Variants in ERC2 observed in about 807,000 individuals in gnomAD.
ERC2 encodes the protein ERC protein 2.
In ERC2, 42 loss-of-function variants were observed where a neutral mutation model predicts 114.8. The observed-to-expected ratio is 0.37, with a 90% CI of 0.29 to 0.47. ERC2 has a LOEUF of 0.47. Among genes scored for constraint, ERC2 ranks in the 20% least tolerant of loss-of-function variants. The probability of loss-of-function intolerance (pLI) is 0.99; values close to 1 mark genes in which losing one functional copy is unlikely to be tolerated. For missense variants in ERC2, 939 were observed against 1,150.7 expected, an observed-to-expected ratio of 0.82 and a Z score of 2.66; for synonymous variants, 454 against 425.5, an observed-to-expected ratio of 1.07 and a Z score of -0.82.
intron 3 of ERC2, among the ~76,000 whole-genome samples, chr3:56,185,944 G>A (rs1164769160): frequency 6.6e-6 from 1 of 151,952 alleles, no homozygotes; most frequent in Non-Finnish European, 1.5e-5. Flanking sequence ...TGCTGATTCT[G>A]AGATGTAGGG....
chr3:55,543,665 G>A (rs1019321856), intron 17 of ERC2, among the ~76,000 whole-genome samples: 3 of 152,344 alleles, frequency 2.0e-5, no homozygotes, highest in Middle Eastern at 3.4e-3. Flanking sequence ...TCAAGAGAAC[G>A]GGAGCTTGGC....
At chr3:56,295,685 AAAC>A (rs1267876949) in intron 3 of ERC2, among the ~76,000 whole-genome samples, 4 of 152,220 alleles carry the variant, frequency 2.6e-5, no homozygotes, top group Non-Finnish European at 5.9e-5. Context: ...GATATTTGAT[AAAC>A]AACTAAACTG....
At chr3:55,677,357 T>G (rs2061860576) in intron 17 of ERC2, among the ~76,000 whole-genome samples, 1 of 152,144 alleles carries the variant, frequency 6.6e-6, no homozygotes, top group African/African-American at 2.4e-5. Context: ...GTGGCTTGGG[T>G]GTAGCTATGG....
intron 2 of ERC2, among the ~76,000 whole-genome samples, chr3:56,325,324 C>T (rs1419489841): frequency 1.3e-5 from 2 of 151,848 alleles, no homozygotes; most frequent in African/African-American, 2.4e-5. Flanking sequence ...TGGGCACCTG[C>T]AGTCCCAGCT....
At chr3:55,831,591 TA>T (rs1210003557) in intron 14 of ERC2, among the ~76,000 whole-genome samples, 3 of 152,218 alleles carry the variant, frequency 2.0e-5, no homozygotes, top group East Asian at 3.9e-4. Context: ...TATAATAGTC[TA>T]AACATATCAA....
intron 2 of ERC2, 81 bp downstream of exon 2, chr3:56,434,270 A>G: frequency 2.2e-6 from 3 of 1,334,960 alleles, no homozygotes; most frequent in Non-Finnish European, 3.1e-6. Flanking sequence ...TCTTCTGCAC[A>G]GGTCGTGGTA....
At chr3:56,233,208 A>G (rs531970235) in intron 3 of ERC2, among the ~76,000 whole-genome samples, 11 of 152,376 alleles carry the variant, frequency 7.2e-5, no homozygotes, top group Admixed American at 4.6e-4. Flanking sequence ...AATTTCTGTC[A>G]TGGAAAATAA....
chr3:55,701,547 T>C (rs989133799), intron 15 of ERC2, among the ~76,000 whole-genome samples: 1 of 151,228 alleles, frequency 6.6e-6, no homozygotes, highest in Non-Finnish European at 1.5e-5. Flanking sequence ...AAGTGAATGT[T>C]AAAAAAAAAC....
At chr3:56,003,454 G>T (rs2072237784) in intron 10 of ERC2, among the ~76,000 whole-genome samples, 1 of 152,120 alleles carries the variant, frequency 6.6e-6, no homozygotes, top group Non-Finnish European at 1.5e-5. Context: ...CTGGCCTCCA[G>T]CAATGAATCA....
rs556901332 is a variant in ERC2 at position 55,576,570 on chromosome 3, G to T, written c.*40-65294C>A. Among the ~76,000 whole-genome samples, 71 of 152,180 alleles carry T rather than the reference G, an allele frequency of 4.7e-4. 1 individual carries two copies. Among genetic ancestry groups the T allele is most frequent in the Non-Finnish European group, 5.6e-4 (38 of 68,036 alleles). ...GTGCCCTTAGCATATGTGTGCTGCT[G>T]CCCAAGGGCTTCTCATCCCAATTTC... is the stretch of plus-strand genomic sequence containing the variant. On this transcript the variant is annotated intron_variant, in intron 17 of 17. Transcript: ENST00000288221.
At chr3:55,943,963 T>A (rs898614504) in intron 13 of ERC2, among the ~76,000 whole-genome samples, 7 of 152,132 alleles carry the variant, frequency 4.6e-5, no homozygotes, top group African/African-American at 1.7e-4. Context: ...TCACTGGAGC[T>A]CACAAAAGGA....
At chr3:55,514,265 G>T (rs1447736089) in intron 17 of ERC2, among the ~76,000 whole-genome samples, 1 of 152,030 alleles carries the variant, frequency 6.6e-6, no homozygotes, top group Non-Finnish European at 1.5e-5. Flanking sequence ...GGGTGTGGTG[G>T]ATGCCCCTTT....
chr3:56,037,817 T>A (rs1374442383), intron 7 of ERC2, among the ~76,000 whole-genome samples: 1 of 152,006 alleles, frequency 6.6e-6, no homozygotes, highest in African/African-American at 2.4e-5. Flanking sequence ...GTCAAGTCAC[T>A]TAAAAAGGGA....
At chr3:55,895,837 G>A (rs1465103622) in intron 13 of ERC2, among the ~76,000 whole-genome samples, 4 of 152,098 alleles carry the variant, frequency 2.6e-5, no homozygotes, top group Admixed American at 6.5e-5. Flanking sequence ...TGGTCCCTTC[G>A]CCATCCTCAA....
chr3:56,007,214 C>A lies in ERC2; in HGVS notation c.2028G>T (p.Glu676Asp). The change falls in exon 10 of 18, where the codon GAG (glutamate) becomes GAT (aspartate). Residue 676 changes from glutamate to aspartate, a missense_variant. Physicochemically the swap from Glu to Asp is conservative, Grantham distance 45. Coordinates refer to ENST00000288221, the MANE Select transcript of ERC2 (RefSeq NM_015576.3). ...SLEIAIEQKK[E>D]ECSKLEAQLK... is the part of the protein sequence containing the mutation. Reference sequence around the variant, plus strand: ...ACTGTGCTTCCAATTTGCTACATTCCTCTTTCTTTTGTTCAATGGCTATTT... The same window carrying A: ...ACTGTGCTTCCAATTTGCTACATTCATCTTTCTTTTGTTCAATGGCTATTT... The A allele has an allele frequency of 1.3e-6, 2 of 1,576,364 alleles. No homozygotes were observed. Among genetic ancestry groups the A allele is most frequent in the Non-Finnish European group, 1.7e-6 (2 of 1,159,514 alleles).
chr3:55,764,388 C>T (rs540537782), intron 14 of ERC2, among the ~76,000 whole-genome samples: 20 of 152,346 alleles, frequency 1.3e-4, no homozygotes, highest in East Asian at 1.2e-3. Context: ...ACACTTGCAT[C>T]GCATTTACTT....
intron 17 of ERC2, among the ~76,000 whole-genome samples, chr3:55,636,789 CGCAGCCCTACGGTTT>C (rs1292441418): frequency 2.6e-5 from 4 of 152,184 alleles, no homozygotes; most frequent in African/African-American, 9.7e-5. Flanking sequence ...GAATCTGGCC[CGCAGCCCTACGGTTT>C]GCAGACCTCT....
At chr3:55,705,898 T>C (rs936181765) in intron 15 of ERC2, among the ~76,000 whole-genome samples, 1 of 152,162 alleles carries the variant, frequency 6.6e-6, no homozygotes, top group Non-Finnish European at 1.5e-5. Context: ...TTGCAGAGAA[T>C]GTCAGGGTCC....
intron 10 of ERC2, among the ~76,000 whole-genome samples, chr3:55,997,945 T>G (rs2071721801): frequency 3.6e-5 from 5 of 138,890 alleles, no homozygotes; most frequent in Admixed American, 7.4e-5. Context: ...TTTTTTTTTT[T>G]GGTAGAGATG....
Sources: allele counts gnomAD v4.1 joint callset (sites outside exome capture counted in the v4.1 genomes callset), GRCh38; gene constraint gnomAD v4.1.1; transcripts MANE v1.5; gene names NCBI Gene and HGNC (gene_info 2026-07-23, HGNC 2026-07-21).